SNTG1: variants seen among roughly 807,000 people sequenced by gnomAD.
SNTG1 encodes syntrophin gamma 1, also known as gamma-1-syntrophin.
SNTG1 carries 39 observed loss-of-function variants against 74.7 expected under a neutral mutation model. That is an observed-to-expected ratio of 0.52 (90% CI 0.40 to 0.68). The LOEUF is 0.68. SNTG1 is among the 30% of genes least tolerant of loss of function. The probability of loss-of-function intolerance (pLI) is 0.00; values close to 1 mark genes in which losing one functional copy is unlikely to be tolerated. For missense variants in SNTG1, 685 were observed against 609.5 expected (o/e 1.12, Z -1.30); for synonymous variants, 254 against 217.1 (o/e 1.17, Z -1.49).
chr8:50,421,518 T>G (rs1269351672), intron 4 of SNTG1, among the ~76,000 whole-genome samples: 1 of 152,164 alleles, frequency 6.6e-6, no homozygotes, highest in East Asian at 1.9e-4. Context: ...TTGCAACCTA[T>G]TCCATCAGCA....
intron 2 of SNTG1, among the ~76,000 whole-genome samples, chr8:50,287,390 C>T (rs374991551): frequency 7.2e-5 from 11 of 152,154 alleles, no homozygotes; most frequent in Admixed American, 5.9e-4. Flanking sequence ...AAGTTAACGT[C>T]GTTGCCATCT....
intron 2 of SNTG1, among the ~76,000 whole-genome samples, chr8:50,267,896 G>A (rs370142977): frequency 1.6e-3 from 245 of 152,206 alleles, no homozygotes; most frequent in African/African-American, 5.7e-3. Flanking sequence ...CAAAGCAAGG[G>A]TATACATGCT....
chr8:50,621,049 C>T (rs2094919727), intron 13 of SNTG1, among the ~76,000 whole-genome samples: 1 of 127,788 alleles, frequency 7.8e-6, no homozygotes, highest in Non-Finnish European at 1.6e-5. Flanking sequence ...AGGGCTGTAA[C>T]CATAAAGAGA....
intron 8 of SNTG1, among the ~76,000 whole-genome samples, chr8:50,481,949 G>C (rs922683529): frequency 1.3e-5 from 2 of 152,140 alleles, no homozygotes; most frequent in Admixed American, 6.5e-5. Flanking sequence ...AAACAGTTCT[G>C]GTCCTGGATT....
At chr8:50,552,644 G>T (rs184994942) in intron 11 of SNTG1, among the ~76,000 whole-genome samples, 1 of 152,060 alleles carries the variant, frequency 6.6e-6, no homozygotes, top group Non-Finnish European at 1.5e-5. Context: ...CTGTTTTTAC[G>T]ATCTTTCTAA....
chr8:50,324,664 TA>T (rs1003614273), intron 2 of SNTG1, among the ~76,000 whole-genome samples: 2 of 152,156 alleles, frequency 1.3e-5, no homozygotes, highest in African/African-American at 4.8e-5. Context: ...CTTTTGAAAA[TA>T]TTTTTTGGCA....
chr8:50,558,903 A>G (rs1180826047), intron 12 of SNTG1, among the ~76,000 whole-genome samples: 1 of 152,230 alleles, frequency 6.6e-6, no homozygotes, highest in African/African-American at 2.4e-5. Flanking sequence ...TATTTATTCA[A>G]CAAATATTTA....
intron 13 of SNTG1, among the ~76,000 whole-genome samples, chr8:50,648,700 T>C (rs2095125807): frequency 6.6e-6 from 1 of 152,100 alleles, no homozygotes; most frequent in African/African-American, 2.4e-5. Flanking sequence ...ATATATTGTA[T>C]ATATAGAAAG....
chr8:50,392,618 T>G (rs2092676840), intron 2 of SNTG1, among the ~76,000 whole-genome samples: 1 of 152,148 alleles, frequency 6.6e-6, no homozygotes, highest in African/African-American at 2.4e-5. Flanking sequence ...ATAAGTTATC[T>G]CCTATATATT....
At chr8:50,131,423 T>A in intron 1 of SNTG1, among the ~76,000 whole-genome samples, 1 of 152,148 alleles carries the variant, frequency 6.6e-6, no homozygotes, top group South Asian at 2.1e-4. Flanking sequence ...TCATGCAGTA[T>A]TTTTTTTCTG....
chr8:50,149,194 G>C (rs546853599), intron 1 of SNTG1, among the ~76,000 whole-genome samples: 1 of 152,276 alleles, frequency 6.6e-6, no homozygotes, highest in East Asian at 1.9e-4. Context: ...GTCTTCTTTT[G>C]AGAAGTGTCT....
At chr8:50,036,858 G>C (rs893396544) in intron 1 of SNTG1, among the ~76,000 whole-genome samples, 3 of 152,024 alleles carry the variant, frequency 2.0e-5, no homozygotes, top group Non-Finnish European at 4.4e-5. Flanking sequence ...TCTAACAGTA[G>C]GCATTGTTCA....
intron 13 of SNTG1, among the ~76,000 whole-genome samples, chr8:50,651,728 A>G (rs1380912713): frequency 5.9e-5 from 9 of 151,958 alleles, no homozygotes; most frequent in African/African-American, 1.5e-4. Flanking sequence ...AAGTGCTGAG[A>G]TTACAGGTAT....
chr8:50,409,839 C>T (rs1183496286), intron 4 of SNTG1, among the ~76,000 whole-genome samples: 1 of 152,112 alleles, frequency 6.6e-6, no homozygotes, highest in Non-Finnish European at 1.5e-5. Flanking sequence ...ATAGAGACAC[C>T]AGTTTCAAAG....
At position 50,643,647 on chromosome 8, in the gene SNTG1, TTTGA is replaced by T. The variant is rs373274348; in HGVS notation, c.850-13259_850-13256del. 5.2e-4 allele frequency among the ~76,000 whole-genome samples: 79 copies of T among 152,352 alleles called. 1 individual carries two copies. In the East Asian group the frequency reaches 9.3e-3, roughly 18 times the overall value. On this transcript the variant is annotated intron_variant, in intron 13 of 18. Coordinates refer to ENST00000642720, the MANE Select transcript of SNTG1 (RefSeq NM_018967.5). ...CACTTGAAGCACTTTTTGAAATTTA[TTTGA>T]TTAAGATTCCTCTTACAGAAATATT...
intron 1 of SNTG1, among the ~76,000 whole-genome samples, chr8:50,119,614 A>G: frequency 7.0e-6 from 1 of 142,220 alleles, no homozygotes; most frequent in African/African-American, 2.5e-5. Flanking sequence ...TTTTTACATT[A>G]TTATGAAAAT....
At chr8:49,949,593 G>T (rs1422614497) in intron 1 of SNTG1, among the ~76,000 whole-genome samples, 4 of 152,080 alleles carry the variant, frequency 2.6e-5, no homozygotes. Context: ...CTTCATAGAT[G>T]GACTCAGTAA....
chr8:50,054,992 T>A (rs1402569267), intron 1 of SNTG1, among the ~76,000 whole-genome samples: 3 of 152,114 alleles, frequency 2.0e-5, no homozygotes, highest in Admixed American at 6.6e-5. Context: ...AGGCCTTCAA[T>A]TTTTTTTAAA....
Position 50,541,119 on chromosome 8 carries a change from T to C in SNTG1, c.680+4311T>C, listed in dbSNP as rs192287733. ...ATTTTGAAAAAATTGAATATTCACG[T>C]GCACTTGTGGGAAATAGTATTTTCA... On this transcript the variant is annotated intron_variant, in intron 11 of 18. Coordinates refer to ENST00000642720, the MANE Select transcript of SNTG1 (RefSeq NM_018967.5). 3.7e-3 allele frequency among the ~76,000 whole-genome samples: 561 copies of C among 152,204 alleles called. 6 individuals carry two copies. The highest frequency in any genetic ancestry group is 0.012 in the African/African-American group (504 of 41,534).
Sources: allele counts gnomAD v4.1 joint callset (sites outside exome capture counted in the v4.1 genomes callset), GRCh38; gene constraint gnomAD v4.1.1; transcripts MANE v1.5; gene names NCBI Gene and HGNC (gene_info 2026-07-23, HGNC 2026-07-21).